Variants in ANK2 observed in about 807,000 individuals in gnomAD.
The protein encoded by ANK2 is ankyrin-2.
In ANK2, 83 loss-of-function variants were observed where a neutral mutation model predicts 360.5. That is an observed-to-expected ratio of 0.23 (90% CI 0.19 to 0.28). The LOEUF (loss-of-function observed/expected upper bound fraction) is 0.28, where lower values mean the gene tolerates loss of function less well. Among genes scored for constraint, ANK2 ranks in the 10% least tolerant of loss-of-function variants. The pLI, the probability that ANK2 is intolerant of heterozygous loss-of-function variation, is 1.00. For missense variants in ANK2, 4,201 were observed against 4,795.7 expected (o/e 0.88, Z 3.66); for synonymous variants, 1,740 against 1,759.5 (o/e 0.99, Z 0.28).
At chr4:112,770,109 C>T in the ANK2 span, among the ~76,000 whole-genome samples, 1 of 152,218 alleles carries the variant, frequency 6.6e-6, no homozygotes, top group South Asian at 2.1e-4. Flanking sequence ...ATACAGCTCT[C>T]CTGGATTAGT....
chr4:113,318,609 T>G lies in ANK2; in HGVS notation c.2889T>G (p.Pro963=). The G allele has an allele frequency of 6.2e-7, 1 of 1,611,052 alleles. No homozygotes were observed. Among genetic ancestry groups the G allele is most frequent in the Non-Finnish European group, 8.5e-7 (1 of 1,177,780 alleles). ...ACAACGTGGCTCTTTCTTCTAGTCC[T>G]ATTCATTCAGGGTGAGTAAATCAAT... ...NLDNVALSSS[P]IHSGFLVSFM... Residue 963 remains proline, a synonymous_variant, in exon 26 of 46, where the codon CCT becomes CCG. Coordinates refer to ENST00000357077, the MANE Select transcript of ANK2 (RefSeq NM_001148.6).
At position 113,087,801 on chromosome 4, in the gene ANK2, C is replaced by A. The variant is rs768288895; in HGVS notation, c.84+37989C>A. Among the ~76,000 whole-genome samples, 3 of 152,256 alleles carry A rather than the reference C, an allele frequency of 2.0e-5. No individual in the cohort carries two copies. In the East Asian group the frequency reaches 5.8e-4, roughly 29 times the overall value. On this transcript the variant is annotated intron_variant, in intron 1 of 45. Coordinates refer to ENST00000357077, the MANE Select transcript of ANK2 (RefSeq NM_001148.6). ...ATAGTAACTTTTTAAGGGACTATTT[C>A]TTGCTCATGTAATATTACTTTTCAG... is the stretch of plus-strand genomic sequence containing the variant.
In ANK2 at chr4:113,274,593, G is replaced by A. The variant is rs749734339; in HGVS notation, c.1627G>A (p.Val543Met). The A allele has an allele frequency of 6.2e-6, 10 of 1,614,106 alleles. No individual in the cohort carries two copies. In the East Asian group the frequency reaches 2.2e-4, roughly 36 times the overall value. The change falls in exon 15 of 46, where the codon GTG becomes ATG. Residue 543 changes from valine to methionine, a missense_variant. Physicochemically the swap from Val to Met is conservative, Grantham distance 21. This residue lies in a region of ANK2 where 1,268 missense variants were observed against 1,650.8 expected (regional missense o/e 0.77). Transcript: ENST00000357077. ...PLHISAREGQVDVASVLLEAG... is the reference protein window; with the variant it reads ...PLHISAREGQMDVASVLLEAG... ...GCACATCTCTGCCCGGGAGGGCCAG[G>A]TGGATGTGGCATCAGTCCTATTGGA...
rs528994350 is a variant in ANK2, at chr4:113,012,186, G to T, written c.21+107672G>T. On this transcript the variant is annotated intron_variant, in intron 2 of 30. Coordinates refer to the ANK2 transcript ENST00000503271. ...CAGGGGAAGGAGGAGAAGGTAATTGGTTTTTATTCCCTATCAAAACAGAAT... is the reference window on the plus strand; with the variant it reads ...CAGGGGAAGGAGGAGAAGGTAATTGTTTTTTATTCCCTATCAAAACAGAAT... 2.7e-4 allele frequency among the ~76,000 whole-genome samples: 41 copies of T among 152,240 alleles called. 1 individual carries two copies. In the East Asian group the frequency reaches 3.9e-3, roughly 14 times the overall value.
At position 113,356,857 on chromosome 4, in the gene ANK2, C is replaced by T. The variant is rs376628082; in HGVS notation, c.8239C>T (p.Arg2747Cys). The T allele has an allele frequency of 3.3e-5, 54 of 1,613,974 alleles. No homozygotes were observed. The highest frequency in any genetic ancestry group is 1.1e-4 in the African/African-American group (8 of 75,012). ...KDSESHLAEDRHAVSTEAEDR... is the reference protein window; with the variant it reads ...KDSESHLAEDCHAVSTEAEDR... The stretch of plus-strand genomic sequence containing the variant: ...TTCTGAATCCCATTTAGCTGAAGAC[C>T]GTCATGCTGTTTCCACTGAGGCTGA... Residue 2747 changes from arginine (R) to cysteine (C), a missense_variant, in exon 38 of 46, where the codon CGT (arginine) becomes TGT (cysteine). Around this residue, in one of 4 missense-constraint regions of ANK2, gnomAD observed 2,642 missense variants for 2,714.5 expected, o/e 0.97. Transcript: ENST00000357077.
chr4:113,249,567 T>A (rs182036457), intron 9 of ANK2, among the ~76,000 whole-genome samples, 197 bp from the exon 10 acceptor site: 24 of 152,348 alleles, frequency 1.6e-4, no homozygotes, highest in African/African-American at 5.5e-4. Context: ...TTCTCTTTCT[T>A]GTTCTCTGTG....
chr4:113,051,152 T>G (rs1427319610), intron 1 of ANK2, among the ~76,000 whole-genome samples: 2 of 151,730 alleles, frequency 1.3e-5, no homozygotes, highest in Admixed American at 1.3e-4. Context: ...GTTAGCTAAT[T>G]GAACAACATA....
chr4:113,358,492 A>G lies in ANK2; in HGVS notation c.9874A>G (p.Met3292Val). The G allele has an allele frequency of 1.2e-6, 2 of 1,614,124 alleles. No individual in the cohort carries two copies. The highest frequency in any genetic ancestry group is 1.7e-6 in the Non-Finnish European group (2 of 1,179,972). ...AGTAATCGAGATTCCTACTGCACCC[A>G]TGGAGAATGTGCCTTTTACTGAAAG... ...KSVIEIPTAP[M>V]ENVPFTESKS... is the part of the protein sequence containing the mutation. The change falls in exon 38 of 46, where the codon ATG (methionine) becomes GTG (valine). Residue 3292 changes from methionine (M) to valine (V), a missense_variant. By Grantham distance (21) the Met-to-Val change is conservative (BLOSUM62 1). Around this residue, in one of 4 missense-constraint regions of ANK2, gnomAD observed 2,642 missense variants for 2,714.5 expected, o/e 0.97. Coordinates refer to ENST00000357077, the MANE Select transcript of ANK2 (RefSeq NM_001148.6).
rs749744032 is a variant in ANK2 at position 112,821,036 on chromosome 4, C to T, written c.-40+2772C>T. On this transcript the variant is annotated intron_variant, in intron 1 of 30. Transcript: ENST00000503271. ...AAGCGATTCTCCTGCCTCAGCCTCC[C>T]GAGTAGCTGAGATTACAGGCATGCG... Among the ~76,000 whole-genome samples the T allele has an allele frequency of 2.7e-4, 41 of 152,170 alleles. 1 individual carries two copies. The highest frequency in any genetic ancestry group is 2.2e-4 in the Non-Finnish European group (15 of 68,024).
rs763340139 is a variant in ANK2 at position 113,335,971 on chromosome 4, G to T, written c.3505G>T (p.Gly1169Cys). ...QDSNLIGPEG[G>C]VLSSTVVPQV... ...CAGCAATCTGATTGGCCCAGAAGGA[G>T]GTGTACTGAGCAGCACAGTGGTGCC... Residue 1169 changes from glycine (G) to cysteine (C), a missense_variant, in exon 30 of 46, where the codon GGT (glycine) becomes TGT (cysteine). By Grantham distance (159) the Gly-to-Cys change is radical (BLOSUM62 -3). This residue lies in a region of ANK2 where 1,268 missense variants were observed against 1,650.8 expected (regional missense o/e 0.77). Transcript: ENST00000357077. 1 of 1,614,178 alleles carries T rather than the reference G, an allele frequency of 6.2e-7. No homozygotes were observed. Among genetic ancestry groups the T allele is most frequent in the East Asian group, 2.2e-5 (1 of 44,864 alleles).
At chr4:112,779,827 C>A in the ANK2 span, among the ~76,000 whole-genome samples, 1 of 152,182 alleles carries the variant, frequency 6.6e-6, no homozygotes, top group Non-Finnish European at 1.5e-5. Context: ...ATTCTGGTTT[C>A]CAGAAACAAG....
chr4:112,975,552 A>G (rs1186115095), intron 2 of ANK2, among the ~76,000 whole-genome samples: 1 of 152,234 alleles, frequency 6.6e-6, no homozygotes. Flanking sequence ...GAAATAAATC[A>G]AAAGGAGAGG....
intron 1 of ANK2, among the ~76,000 whole-genome samples, chr4:113,070,333 CT>C (rs1284708347): frequency 6.6e-6 from 1 of 151,584 alleles, no homozygotes; most frequent in Non-Finnish European, 1.5e-5. Context: ...CATTGTCCAC[CT>C]TTATCATTAA....
chr4:113,118,221 CCT>C (rs1259870704), intron 1 of ANK2, among the ~76,000 whole-genome samples: 1 of 152,046 alleles, frequency 6.6e-6, no homozygotes, highest in Non-Finnish European at 1.5e-5. Context: ...TAAAGAAAGA[CCT>C]CTGTAAATGT....
chr4:113,178,038 A>C (rs991341009), intron 2 of ANK2, among the ~76,000 whole-genome samples: 6 of 152,164 alleles, frequency 3.9e-5, no homozygotes, highest in African/African-American at 1.4e-4. Flanking sequence ...ATTGACTTAC[A>C]CTCAAAATAT....
chr4:113,142,261 G>A (rs1218958678), intron 1 of ANK2, among the ~76,000 whole-genome samples: 2 of 152,184 alleles, frequency 1.3e-5, no homozygotes, highest in Non-Finnish European at 2.9e-5. Flanking sequence ...CATCACCCAA[G>A]CTTCTGTGCC....
intron 2 of ANK2, among the ~76,000 whole-genome samples, chr4:112,910,187 C>A (rs984829618): frequency 6.6e-6 from 1 of 152,188 alleles, no homozygotes; most frequent in African/African-American, 2.4e-5. Flanking sequence ...AAATACGGAT[C>A]TCACAGAAAA....
intron 43 of ANK2, among the ~76,000 whole-genome samples, chr4:113,371,778 G>A (rs2096746456): frequency 6.6e-6 from 1 of 152,190 alleles, no homozygotes; most frequent in African/African-American, 2.4e-5. Flanking sequence ...AGAGACAAAT[G>A]TAAACATATA....
chr4:113,117,638 T>C (rs1401939911), intron 1 of ANK2, among the ~76,000 whole-genome samples: 1 of 152,148 alleles, frequency 6.6e-6, no homozygotes, highest in East Asian at 1.9e-4. Context: ...CAAAAATGCC[T>C]CCACTTCATT....
Sources: gnomAD v4.1 joint callset for allele counts (sites outside exome capture counted in the v4.1 genomes callset) on GRCh38, gnomAD v4.1.1 for gene constraint, gnomAD v4.1.1 regional missense constraint, MANE v1.5 for transcripts, NCBI Gene and HGNC (gene_info 2026-07-23, HGNC 2026-07-21) for gene names.